The following SPATA16 variants were observed in gnomAD, a reference collection of about 807,000 sequenced individuals.
SPATA16 encodes spermatogenesis associated 16.
Under a neutral mutation model 63.3 loss-of-function variants are expected in SPATA16, and 36 were observed. The ratio of observed to expected loss-of-function variants is 0.57; its 90% CI spans 0.44 to 0.75. The LOEUF (loss-of-function observed/expected upper bound fraction) is 0.75, where lower values mean the gene tolerates loss of function less well. Among genes scored for constraint, SPATA16 ranks in the 30% least tolerant of loss-of-function variants. The pLI is 0.00. For missense variants in SPATA16, 646 were observed against 679.3 expected (o/e 0.95, Z 0.54); for synonymous variants, 203 against 216.7 (o/e 0.94, Z 0.56).
intron 10 of SPATA16, among the ~76,000 whole-genome samples, chr3:172,904,234 C>G (rs1364529929): frequency 2.0e-5 from 3 of 152,178 alleles, no homozygotes; most frequent in Non-Finnish European, 4.4e-5. Context: ...TAATATCTGT[C>G]ATCATCATTA....
At chr3:173,109,260 CT>C (rs1178570085) in intron 2 of SPATA16, among the ~76,000 whole-genome samples, 1 of 152,116 alleles carries the variant, frequency 6.6e-6, no homozygotes, top group Non-Finnish European at 1.5e-5. Flanking sequence ...CTCTTCACAA[CT>C]TCTCCCATGT....
intron 8 of SPATA16, among the ~76,000 whole-genome samples, chr3:172,918,325 T>C (rs1732541832): frequency 6.6e-6 from 1 of 152,134 alleles, no homozygotes; most frequent in South Asian, 2.1e-4. Flanking sequence ...CTCAGGAACA[T>C]AATCTGTCAG....
At chr3:172,974,518 C>G (rs1734112094) in intron 5 of SPATA16, among the ~76,000 whole-genome samples, 1 of 151,726 alleles carries the variant, frequency 6.6e-6, no homozygotes, top group African/African-American at 2.4e-5. Context: ...TGATTTAGGA[C>G]AGAACAAGGT....
At chr3:173,086,582 T>C (rs1383088227) in intron 2 of SPATA16, among the ~76,000 whole-genome samples, 2 of 152,124 alleles carry the variant, frequency 1.3e-5, no homozygotes, top group African/African-American at 4.8e-5. Context: ...CTGCTAGCTT[T>C]ATGGTTTGTT....
At chr3:172,907,940 T>G (rs1732279746) in intron 10 of SPATA16, among the ~76,000 whole-genome samples, 1 of 152,214 alleles carries the variant, frequency 6.6e-6, no homozygotes, top group South Asian at 2.1e-4. Context: ...GATATTTGCA[T>G]GATATGCTCC....
chr3:172,961,069 T>TCTTCCTTCCTTCCTTC (rs770794784), intron 5 of SPATA16, among the ~76,000 whole-genome samples: 759 of 71,964 alleles, frequency 0.011, 10 homozygotes, highest in South Asian at 0.02. Context: ...CTTTCTTCTT[T>TCTTCCTTCCTTCCTTC]CTTCCTTCCT....
intron 1 of SPATA16, among the ~76,000 whole-genome samples, chr3:173,130,211 T>C (rs566755654): frequency 6.6e-6 from 1 of 151,942 alleles, no homozygotes; most frequent in Non-Finnish European, 1.5e-5. Flanking sequence ...AATACAAAAA[T>C]TAGCTGGGCA....
At chr3:172,921,117 G>A (rs139170793) in intron 8 of SPATA16, among the ~76,000 whole-genome samples, 8 of 150,326 alleles carry the variant, frequency 5.3e-5, no homozygotes, top group African/African-American at 2.0e-4. Flanking sequence ...GTCCAGGCAG[G>A]TCTTGAATTT....
chr3:173,055,203 C>T (rs1417719044), intron 2 of SPATA16, among the ~76,000 whole-genome samples: 1 of 152,168 alleles, frequency 6.6e-6, no homozygotes, highest in Non-Finnish European at 1.5e-5. Flanking sequence ...CTCCATCCTA[C>T]ATTGCTGATA....
chr3:173,033,105 T>G (rs1176774081), intron 3 of SPATA16, among the ~76,000 whole-genome samples: 2 of 152,166 alleles, frequency 1.3e-5, no homozygotes, highest in East Asian at 3.8e-4. Context: ...CAAAAGGCAG[T>G]TAATGTAATA....
chr3:173,038,714 A>C (rs1735773151), intron 3 of SPATA16, among the ~76,000 whole-genome samples: 1 of 152,130 alleles, frequency 6.6e-6, no homozygotes, highest in African/African-American at 2.4e-5. Flanking sequence ...AATCGAGCAA[A>C]TGTGCTCAGG....
At chr3:172,955,493 A>T (rs1692036737) in intron 6 of SPATA16, among the ~76,000 whole-genome samples, 1 of 152,178 alleles carries the variant, frequency 6.6e-6, no homozygotes, top group Admixed American at 6.5e-5. Context: ...GAAATGCTCA[A>T]ACTAAGTAAA....
intron 4 of SPATA16, among the ~76,000 whole-genome samples, chr3:172,991,889 T>C (rs1734585757): frequency 6.6e-6 from 1 of 152,122 alleles, no homozygotes; most frequent in South Asian, 2.1e-4. Context: ...AAGCAAACAG[T>C]TTTTTATTTA....
intron 1 of SPATA16, among the ~76,000 whole-genome samples, chr3:173,121,933 A>G (rs1738085366): frequency 6.6e-6 from 1 of 152,142 alleles, no homozygotes; most frequent in Non-Finnish European, 1.5e-5. Context: ...AGTCAAGTTG[A>G]TTAAAATGAC....
chr3:173,080,468 A>G (rs1469515639), intron 2 of SPATA16, among the ~76,000 whole-genome samples: 1 of 152,004 alleles, frequency 6.6e-6, no homozygotes, highest in East Asian at 1.9e-4. Flanking sequence ...TTCACCTGCT[A>G]TTTGGTTGTT....
chr3:173,007,043 G>T (rs143858374), intron 4 of SPATA16, among the ~76,000 whole-genome samples: 260 of 152,244 alleles, frequency 1.7e-3, no homozygotes, highest in African/African-American at 6.0e-3. Flanking sequence ...TGTCTTTGAG[G>T]TTTTTACTGT....
rs1735464082 is a variant in SPATA16 at position 173,026,842 on chromosome 3, A to G, written c.759-7267T>C. ...CTATAGATTTATAATAAATCTTTAAATCAGGTAGTTTAAGTCCTCCCAACT... is the reference window on the plus strand; with the variant it reads ...CTATAGATTTATAATAAATCTTTAAGTCAGGTAGTTTAAGTCCTCCCAACT... On this transcript the variant is annotated intron_variant, in intron 3 of 10. Transcript: ENST00000351008. Among the ~76,000 whole-genome samples the G allele has an allele frequency of 2.0e-5, 3 of 151,942 alleles. 1 individual carries two copies. In the South Asian group the frequency reaches 6.2e-4, roughly 31 times the overall value.
intron 2 of SPATA16, among the ~76,000 whole-genome samples, chr3:173,099,586 T>C (rs921946604): frequency 6.6e-6 from 1 of 152,184 alleles, no homozygotes; most frequent in South Asian, 2.1e-4. Context: ...GGAAATTTTG[T>C]GGTTGGAGAA....
intron 3 of SPATA16, 73 bp downstream of exon 3, chr3:173,048,876 T>A (rs1204522727): frequency 1.3e-6 from 2 of 1,553,814 alleles, no homozygotes; most frequent in African/African-American, 1.4e-5. Context: ...TGGAAGGTGA[T>A]CAGGCAAGCT....
Sources: allele counts gnomAD v4.1 joint callset (sites outside exome capture counted in the v4.1 genomes callset), GRCh38; gene constraint gnomAD v4.1.1; transcripts MANE v1.5; gene names NCBI Gene and HGNC (gene_info 2026-07-23, HGNC 2026-07-21).